Variants in TMPRSS15 observed in about 807,000 individuals in gnomAD.
The protein encoded by TMPRSS15 is transmembrane serine protease 15, also known as enteropeptidase.
A neutral mutation model predicts 125.3 loss-of-function variants in TMPRSS15; 128 were observed. The ratio of observed to expected loss-of-function variants is 1.02; its 90% CI spans 0.89 to 1.18. TMPRSS15 has a LOEUF of 1.18. Among genes scored for constraint, TMPRSS15 ranks in the 50% most tolerant of loss-of-function variants. TMPRSS15 has a pLI of 0.00. For synonymous variants in TMPRSS15, 446 were observed against 423.2 expected, an observed-to-expected ratio of 1.05 and a Z score of -0.66; for missense variants, 1,283 against 1,212.7, an observed-to-expected ratio of 1.06 and a Z score of -0.86.
intron 3 of TMPRSS15, among the ~76,000 whole-genome samples, chr21:18,396,884 T>G: frequency 6.6e-6 from 1 of 151,366 alleles, no homozygotes; most frequent in African/African-American, 2.4e-5. Flanking sequence ...GAAATAGAGA[T>G]TCAACCAGTG....
At position 18,352,922 on chromosome 21, in the gene TMPRSS15, G is replaced by A. The variant is rs2075584985; in HGVS notation, c.1152C>T (p.His384=). Residue 384 remains histidine (H), a synonymous_variant, in exon 10 of 25, where the codon CAC becomes CAT. Coordinates refer to ENST00000284885, the MANE Select transcript of TMPRSS15 (RefSeq NM_002772.3). ...TTATACCTGAAGCATTGCCAAAAGT[G>A]TGGTCAAAATTGGGTCCAGTAAAAG... ...FSPFTGPNFD[H]TFGNASGFYI... is the part of the protein sequence containing the mutation. The A allele has an allele frequency of 1.9e-6, 3 of 1,612,288 alleles. No homozygotes were observed. Among genetic ancestry groups the A allele is most frequent in the Non-Finnish European group, 2.5e-6 (3 of 1,178,774 alleles).
intron 1 of TMPRSS15, among the ~76,000 whole-genome samples, chr21:18,399,339 T>G (rs2076073168): frequency 6.6e-6 from 1 of 152,046 alleles, no homozygotes; most frequent in African/African-American, 2.4e-5. Flanking sequence ...AACTATCCCA[T>G]TAAGAGGATA....
At chr21:18,342,493 C>T (rs2075458649) in intron 12 of TMPRSS15, among the ~76,000 whole-genome samples, 1 of 152,188 alleles carries the variant, frequency 6.6e-6, no homozygotes. Context: ...TAGAACTTGA[C>T]TCTCTCGCAC....
At chr21:18,412,133 C>T (rs1298828443) in intron 1 of TMPRSS15, among the ~76,000 whole-genome samples, 5 of 152,146 alleles carry the variant, frequency 3.3e-5, no homozygotes, top group Admixed American at 6.5e-5. Flanking sequence ...ATTGTTGTGC[C>T]AGCCACATCT....
intron 1 of TMPRSS15, among the ~76,000 whole-genome samples, chr21:18,484,924 T>C (rs778963075): frequency 3.3e-5 from 5 of 151,932 alleles, no homozygotes; most frequent in Non-Finnish European, 7.4e-5. Context: ...TCATAAATTT[T>C]ATAATCAAAT....
intron 8 of TMPRSS15, among the ~76,000 whole-genome samples, chr21:18,357,747 T>C (rs2075639903): frequency 6.6e-6 from 1 of 151,790 alleles, no homozygotes; most frequent in African/African-American, 2.4e-5. Flanking sequence ...GATTATACAC[T>C]ATAATACCAT....
intron 13 of TMPRSS15, among the ~76,000 whole-genome samples, chr21:18,333,434 C>T (rs2075363481): frequency 6.6e-6 from 1 of 151,982 alleles, no homozygotes; most frequent in Non-Finnish European, 1.5e-5. Flanking sequence ...GATATAAAAT[C>T]CCTACTGTAG....
intron 12 of TMPRSS15, among the ~76,000 whole-genome samples, chr21:18,343,210 T>C (rs943471691): frequency 3.3e-5 from 5 of 152,204 alleles, no homozygotes; most frequent in African/African-American, 1.2e-4. Context: ...ATGGTTGGCC[T>C]ATGCTAGAAA....
intron 21 of TMPRSS15, among the ~76,000 whole-genome samples, chr21:18,283,950 A>G (rs66480111): frequency 0.1 from 15,246 of 152,214 alleles, 892 homozygotes; most frequent in African/African-American, 0.16. Flanking sequence ...AAACCAATAT[A>G]TGAACCAGGA....
intron 23 of TMPRSS15, among the ~76,000 whole-genome samples, chr21:18,276,281 T>C (rs1419557752): frequency 6.6e-6 from 1 of 152,218 alleles, no homozygotes; most frequent in Non-Finnish European, 1.5e-5. Context: ...TGTATATCAA[T>C]TTTCTCTCCA....
At chr21:18,396,792 A>AAAATCTGTCTT (rs1408156983) in intron 3 of TMPRSS15, among the ~76,000 whole-genome samples, 2 of 112,792 alleles carry the variant, frequency 1.8e-5, no homozygotes, top group Non-Finnish European at 3.5e-5. Context: ...AAAAAAAAAA[A>AAAATCTGTCTT]TCTGTCTGTC....
chr21:18,371,910 A>G (rs2075795036), intron 6 of TMPRSS15, among the ~76,000 whole-genome samples: 1 of 152,140 alleles, frequency 6.6e-6, no homozygotes, highest in Non-Finnish European at 1.5e-5. Context: ...TTTATGACAG[A>G]CATTGTTAAT....
intron 21 of TMPRSS15, among the ~76,000 whole-genome samples, chr21:18,288,560 G>GACAA (rs2074794441): frequency 7.8e-6 from 1 of 128,610 alleles, no homozygotes; most frequent in Non-Finnish European, 1.6e-5. Context: ...TTTTGAGATG[G>GACAA]AGTGTTGTGT....
intron 9 of TMPRSS15, 60 bp from the exon 10 acceptor site, chr21:18,353,112 T>A: frequency 2.1e-6 from 3 of 1,431,282 alleles, no homozygotes; most frequent in Non-Finnish European, 2.9e-6. Context: ...AGTAGTTATA[T>A]TAGATTGTAT....
At chr21:18,308,247 G>A (rs1185207103) in intron 18 of TMPRSS15, among the ~76,000 whole-genome samples, 2 of 151,928 alleles carry the variant, frequency 1.3e-5, no homozygotes, top group South Asian at 2.1e-4. Flanking sequence ...TCACTTTCTG[G>A]GTTTTGTTGA....
intron 1 of TMPRSS15, among the ~76,000 whole-genome samples, chr21:18,462,016 G>A (rs1763887768): frequency 6.6e-6 from 1 of 152,112 alleles, no homozygotes; most frequent in African/African-American, 2.4e-5. Flanking sequence ...ACGTGATGAT[G>A]ATTATGATGT....
intron 13 of TMPRSS15, among the ~76,000 whole-genome samples, chr21:18,336,642 C>T (rs975092621): frequency 1.3e-5 from 2 of 152,092 alleles, no homozygotes; most frequent in African/African-American, 2.4e-5. Flanking sequence ...AGCTCAAAAA[C>T]GTAGGCTATT....
intron 4 of TMPRSS15, among the ~76,000 whole-genome samples, chr21:18,379,813 C>T (rs909986197): frequency 8.6e-5 from 13 of 152,000 alleles, no homozygotes; most frequent in East Asian, 3.9e-4. Context: ...AAAAGTATTA[C>T]GACCTCTCTA....
chr21:18,428,099 A>G (rs1439256010), intron 1 of TMPRSS15, among the ~76,000 whole-genome samples: 1 of 152,220 alleles, frequency 6.6e-6, no homozygotes, highest in Non-Finnish European at 1.5e-5. Flanking sequence ...ATTATTAATT[A>G]TTGATATTAC....
Sources: allele counts gnomAD v4.1 joint callset (sites outside exome capture counted in the v4.1 genomes callset), GRCh38; gene constraint gnomAD v4.1.1; transcripts MANE v1.5; gene names NCBI Gene and HGNC (gene_info 2026-07-23, HGNC 2026-07-21).